TXNDC8: variants seen among roughly 807,000 people sequenced by gnomAD.
TXNDC8 encodes thioredoxin domain-containing protein 8.
Under a neutral mutation model 12.9 loss-of-function variants are expected in TXNDC8, and 15 were observed. That is an observed-to-expected ratio of 1.16 (90% CI 0.78 to 1.79). TXNDC8 has a LOEUF of 1.79. Ranked by LOEUF, TXNDC8 falls within the 40% of genes most tolerant of loss-of-function variation. The pLI is 0.00. For synonymous variants in TXNDC8, 40 were observed against 35.4 expected, an observed-to-expected ratio of 1.13 and a Z score of -0.46; for missense variants, 128 against 113.2, an observed-to-expected ratio of 1.13 and a Z score of -0.59.
intron 1 of TXNDC8, among the ~76,000 whole-genome samples, chr9:110,335,242 A>T (rs139596702): frequency 1.9e-4 from 29 of 152,028 alleles, no homozygotes; most frequent in Middle Eastern, 3.4e-3. Flanking sequence ...ATTTTAATTT[A>T]ATTTTATTTT....
At chr9:110,328,901 C>T (rs973983345) in intron 2 of TXNDC8, among the ~76,000 whole-genome samples, 1 of 152,182 alleles carries the variant, frequency 6.6e-6, no homozygotes, top group Admixed American at 6.5e-5. Context: ...TCTATTGTCT[C>T]CCTAGAGCAA....
chr9:110,329,355 G>T, intron 2 of TXNDC8, 64 bp from the exon 3 acceptor site: 1 of 1,328,734 alleles, frequency 7.5e-7, no homozygotes, highest in Non-Finnish European at 1.0e-6. Flanking sequence ...CACACTGGAA[G>T]TGTCTTTTCA....
chr9:110,314,532 T>A (rs937496297), intron 3 of TXNDC8, among the ~76,000 whole-genome samples: 9 of 151,222 alleles, frequency 6.0e-5, no homozygotes, highest in Middle Eastern at 3.4e-3. Context: ...TCCTGGGTTC[T>A]CGCCATTCTC....
intron 3 of TXNDC8, among the ~76,000 whole-genome samples, chr9:110,306,779 A>G (rs916236167): frequency 2.6e-5 from 4 of 152,106 alleles, no homozygotes; most frequent in Non-Finnish European, 5.9e-5. Context: ...GCTATTCTTA[A>G]CTATCCCTCA....
intron 3 of TXNDC8, among the ~76,000 whole-genome samples, chr9:110,317,239 A>G (rs1244289656): frequency 6.6e-6 from 1 of 152,124 alleles, no homozygotes; most frequent in Non-Finnish European, 1.5e-5. Context: ...ATTCTCAGGG[A>G]TAAACATGGT....
chr9:110,301,772 A>G (rs1490449131), downstream of TXNDC8, among the ~76,000 whole-genome samples: 3 of 152,168 alleles, frequency 2.0e-5, no homozygotes, highest in East Asian at 1.9e-4. Context: ...CGAGTCCCCC[A>G]TAGCTTTCCT....
chr9:110,335,194 C>T (rs1345230499), intron 1 of TXNDC8, among the ~76,000 whole-genome samples: 1 of 152,200 alleles, frequency 6.6e-6, no homozygotes, highest in Non-Finnish European at 1.5e-5. Context: ...ATAGTGTACT[C>T]ATAGAGTAAG....
chr9:110,334,895 GGGAAGTGATCATTATTACAGCTACA>G (rs1839687595), intron 1 of TXNDC8, among the ~76,000 whole-genome samples: 2 of 125,868 alleles, frequency 1.6e-5, no homozygotes, highest in Admixed American at 1.5e-4. Context: ...TTTTTTGGGG[GGGAAGTGATCATTATTACAGCTACA>G]GTTAAAACTA....
Position 110,322,184 on chromosome 9 carries a change from G to GT in TXNDC8, c.195+3990dup, listed in dbSNP as rs58184864. ...TATAATGTGACATAAATGGTCTCAA[G>GT]TTTTTTTTTTTTTAAATTCATAACC... On this transcript the variant is annotated intron_variant, in intron 3 of 4. Transcript: ENST00000423740. Among the ~76,000 whole-genome samples the GT allele has an allele frequency of 6.5e-3, 971 of 149,450 alleles. 6 individuals are homozygous for GT. The highest frequency in any genetic ancestry group is 0.02 in the African/African-American group (835 of 40,814).
intron 3 of TXNDC8, among the ~76,000 whole-genome samples, chr9:110,310,741 AAG>A (rs1334637356): frequency 6.6e-6 from 1 of 152,242 alleles, no homozygotes; most frequent in Non-Finnish European, 1.5e-5. Flanking sequence ...GAAATGTCTT[AAG>A]AATTGCCAGC....
rs1447644342 is a variant in TXNDC8, at chr9:110,335,329, C to T, written c.25-1009G>A. On this transcript the variant is annotated intron_variant, in intron 1 of 4. Transcript: ENST00000423740. ...TCAGCTCACTGCAGACTCTGCCTCC[C>T]GGACTCAAGCCATCCTCCCACCTCA... 3.9e-5 allele frequency among the ~76,000 whole-genome samples: 6 copies of T among 152,038 alleles called. No homozygotes were observed. The East Asian group carries it at 5.8e-4, about 15-fold the overall frequency.
chr9:110,331,339 G>T (rs550656389), intron 2 of TXNDC8, among the ~76,000 whole-genome samples: 1 of 152,258 alleles, frequency 6.6e-6, no homozygotes, highest in East Asian at 1.9e-4. Flanking sequence ...TCTGACCGCT[G>T]CTCTGTTGGT....
chr9:110,304,540 TG>T lies in TXNDC8; in HGVS notation c.196-9del, dbSNP rs756136476. 6.2e-6 allele frequency: 10 copies of T among 1,602,682 alleles called. No homozygotes were observed. Among genetic ancestry groups the T allele is most frequent in the Non-Finnish European group, 8.5e-6 (10 of 1,172,882 alleles). ...TCTTGAGAATAGGGTTACCTAAGTG[TG>T]GGTGCAGAATTTCATAATTTATCTG... On this transcript the variant is annotated splice_polypyrimidine_tract_variant and intron_variant, in intron 3 of 4. Coordinates refer to ENST00000423740, the MANE Select transcript of TXNDC8 (RefSeq NM_001286946.2).
chr9:110,333,862 TATC>T (rs1839638896), intron 2 of TXNDC8, among the ~76,000 whole-genome samples: 1 of 152,236 alleles, frequency 6.6e-6, no homozygotes, highest in Non-Finnish European at 1.5e-5. Context: ...TAAAAACAAA[TATC>T]ATATTTATCT....
intron 2 of TXNDC8, among the ~76,000 whole-genome samples, chr9:110,328,811 C>G (rs1215726870): frequency 1.3e-5 from 2 of 152,082 alleles, no homozygotes; most frequent in Admixed American, 6.5e-5. Flanking sequence ...TGTCCCCCAC[C>G]CCCCAAATAA....
At chr9:110,318,475 G>A (rs572977896) in intron 3 of TXNDC8, among the ~76,000 whole-genome samples, 7 of 152,274 alleles carry the variant, frequency 4.6e-5, no homozygotes, top group South Asian at 4.1e-4. Flanking sequence ...GGTTGCTCAC[G>A]CCTGTAATCC....
intron 3 of TXNDC8, among the ~76,000 whole-genome samples, chr9:110,309,279 AC>A (rs969405675): frequency 5.6e-4 from 85 of 151,566 alleles, no homozygotes; most frequent in African/African-American, 2.1e-3. Context: ...TGGGGGATTG[AC>A]CCCCCCACAA....
intron 3 of TXNDC8, among the ~76,000 whole-genome samples, chr9:110,324,553 C>CATGGAGTAG (rs1839231149): frequency 6.6e-6 from 1 of 152,044 alleles, no homozygotes; most frequent in African/African-American, 2.4e-5. Context: ...CATCCTATTT[C>CATGGAGTAG]ATGGAGTAGA....
intron 3 of TXNDC8, among the ~76,000 whole-genome samples, chr9:110,307,719 T>G (rs1330145459): frequency 6.6e-6 from 1 of 152,234 alleles, no homozygotes; most frequent in African/African-American, 2.4e-5. Context: ...TTGGAAATGC[T>G]AATCAGAAAC....
Sources: allele counts gnomAD v4.1 joint callset (sites outside exome capture counted in the v4.1 genomes callset), GRCh38; gene constraint gnomAD v4.1.1; transcripts MANE v1.5; gene names NCBI Gene and HGNC (gene_info 2026-07-23, HGNC 2026-07-21).